Variants in MTHFD2L observed in about 807,000 individuals in gnomAD.
MTHFD2L encodes bifunctional methylenetetrahydrofolate dehydrogenase/cyclohydrolase 2, mitochondrial.
MTHFD2L carries 29 observed loss-of-function variants against 34.9 expected under a neutral mutation model. That is an observed-to-expected ratio of 0.83 (90% CI 0.62 to 1.13). The LOEUF (loss-of-function observed/expected upper bound fraction) is 1.13. Among genes scored for constraint, MTHFD2L ranks in the 50% most tolerant of loss-of-function variants. The pLI is 0.00. For missense variants in MTHFD2L, 481 were observed against 446.5 expected (o/e 1.08, Z -0.70); for synonymous variants, 167 against 155.7 (o/e 1.07, Z -0.54).
At chr4:74,138,698 A>G (rs1410169932) in intron 1 of MTHFD2L, among the ~76,000 whole-genome samples, 1 of 152,194 alleles carries the variant, frequency 6.6e-6, no homozygotes, top group Non-Finnish European at 1.5e-5. Flanking sequence ...GCAGTGGTGG[A>G]TGGTGAGCAA....
upstream of MTHFD2L, among the ~76,000 whole-genome samples, chr4:74,124,350 T>C (rs979375561): frequency 1.3e-5 from 2 of 151,908 alleles, no homozygotes; most frequent in African/African-American, 4.8e-5. Flanking sequence ...AGGTGATATA[T>C]CTGTTGATAA....
At chr4:74,278,518 G>A (rs908081702) in intron 6 of MTHFD2L, among the ~76,000 whole-genome samples, 16 of 152,012 alleles carry the variant, frequency 1.1e-4, no homozygotes, top group African/African-American at 3.9e-4. Context: ...CTGAGTCCAT[G>A]GTTCAGCTGA....
At chr4:74,181,087 A>G (rs1348041) in intron 3 of MTHFD2L, among the ~76,000 whole-genome samples, 1,877 of 152,250 alleles carry the variant, frequency 0.012, 40 homozygotes, top group African/African-American at 0.043. Context: ...AGAATAATAA[A>G]AGGGAAATTA....
intron 6 of MTHFD2L, chr4:74,242,183 A>G (rs1362234010): frequency 1.0e-5 from 1 of 99,228 alleles, no homozygotes; most frequent in Non-Finnish European, 2.1e-5. Flanking sequence ...TAATTAAAGC[A>G]TATAGTAAAT....
Position 74,276,596 on chromosome 4 carries a change from G to A in MTHFD2L, c.806-4829G>A, listed in dbSNP as rs148077476. Among the ~76,000 whole-genome samples, 1,441 of 152,070 alleles carry A rather than the reference G, an allele frequency of 9.5e-3. 27 individuals are homozygous for A. The highest frequency in any genetic ancestry group is 0.033 in the African/African-American group (1,361 of 41,488). ...CTTTTATTTATCTAATATTTAAATC[G>A]ATTTTGATTCTGTTTTATCCAATGA... On this transcript the variant is annotated intron_variant, in intron 6 of 7. Coordinates refer to ENST00000325278, the MANE Select transcript of MTHFD2L (RefSeq NM_001144978.3).
At chr4:74,131,360 C>G (rs1722483456) in intron 1 of MTHFD2L, among the ~76,000 whole-genome samples, 1 of 152,172 alleles carries the variant, frequency 6.6e-6, no homozygotes, top group Non-Finnish European at 1.5e-5. Context: ...GTAATCAAAA[C>G]AGCATGGTAC....
At chr4:74,133,407 C>G (rs180870861) in intron 1 of MTHFD2L, among the ~76,000 whole-genome samples, 1 of 152,306 alleles carries the variant, frequency 6.6e-6, no homozygotes, top group African/African-American at 2.4e-5. Context: ...CTTTTCTCCC[C>G]TTGCTCTTGC....
intron 5 of MTHFD2L, among the ~76,000 whole-genome samples, chr4:74,215,968 GA>G (rs201924757): frequency 0.044 from 6,203 of 142,024 alleles, 434 homozygotes; most frequent in African/African-American, 0.13. Context: ...TTGTTAGCAG[GA>G]AAAAAAAAAA....
chr4:74,228,856 C>G (rs1739584557), intron 6 of MTHFD2L, among the ~76,000 whole-genome samples: 1 of 152,140 alleles, frequency 6.6e-6, no homozygotes, highest in African/African-American at 2.4e-5. Context: ...TGAGGCTGTC[C>G]CACAAGCATC....
At chr4:74,132,544 C>T (rs986553239) in intron 1 of MTHFD2L, among the ~76,000 whole-genome samples, 16 of 152,018 alleles carry the variant, frequency 1.1e-4, no homozygotes, top group Admixed American at 6.6e-4. Context: ...ACAATGAGAA[C>T]ACATGGACAC....
At chr4:74,221,291 A>G (rs1738137883) in intron 5 of MTHFD2L, among the ~76,000 whole-genome samples, 1 of 151,716 alleles carries the variant, frequency 6.6e-6, no homozygotes, top group Non-Finnish European at 1.5e-5. Flanking sequence ...TGAGTTTGAT[A>G]TAGTCATATA....
At chr4:74,198,445 T>G (rs1733853143) in intron 3 of MTHFD2L, among the ~76,000 whole-genome samples, 1 of 152,170 alleles carries the variant, frequency 6.6e-6, no homozygotes, top group Non-Finnish European at 1.5e-5. Flanking sequence ...AATAAACTAA[T>G]TTGAGTCCTA....
At chr4:74,268,190 TA>T in intron 6 of MTHFD2L, 1 of 983,252 alleles carries the variant, frequency 1.0e-6, no homozygotes, top group Non-Finnish European at 1.2e-6. Flanking sequence ...GTTTTTGTAT[TA>T]CTAATGTAGG....
At chr4:74,288,172 T>G (rs1369614031) in intron 7 of MTHFD2L, 1 of 152,222 alleles carries the variant, frequency 6.6e-6, no homozygotes, top group Non-Finnish European at 1.5e-5. Context: ...TCTGAGGTAC[T>G]GGGGTTAAGA....
At chr4:74,207,845 G>C (rs536998227) in intron 5 of MTHFD2L, among the ~76,000 whole-genome samples, 1 of 150,596 alleles carries the variant, frequency 6.6e-6, no homozygotes, top group South Asian at 2.1e-4. Context: ...GATGCTTGAG[G>C]CAGTGCAACG....
At chr4:74,267,720 C>T (rs1745490931) in intron 6 of MTHFD2L, 1 of 985,240 alleles carries the variant, frequency 1.0e-6, no homozygotes, top group Non-Finnish European at 1.2e-6. Context: ...CAGGTGCCCT[C>T]AGAGAATAAG....
chr4:74,133,508 G>GT (rs1170566730), intron 1 of MTHFD2L, among the ~76,000 whole-genome samples: 2 of 151,500 alleles, frequency 1.3e-5, no homozygotes, highest in African/African-American at 4.8e-5. Flanking sequence ...TCTTTTTATT[G>GT]TTTTTTTCTT....
intron 5 of MTHFD2L, among the ~76,000 whole-genome samples, chr4:74,209,104 G>A (rs896186769): frequency 3.3e-5 from 5 of 152,100 alleles, no homozygotes; most frequent in Admixed American, 6.6e-5. Context: ...ACAAGTTGGG[G>A]CAAGGACAGC....
intron 6 of MTHFD2L, among the ~76,000 whole-genome samples, chr4:74,245,105 G>A (rs1301950013): frequency 2.1e-5 from 3 of 145,002 alleles, no homozygotes; most frequent in Non-Finnish European, 4.5e-5. Flanking sequence ...TGAGGCAGGA[G>A]AATGGCATGA....
Sources: allele counts gnomAD v4.1 joint callset (sites outside exome capture counted in the v4.1 genomes callset), GRCh38; gene constraint gnomAD v4.1.1; transcripts MANE v1.5; gene names NCBI Gene and HGNC (gene_info 2026-07-23, HGNC 2026-07-21).